Variants in ZNF717 observed in about 807,000 individuals in gnomAD.
ZNF717 encodes krueppel-like factor X17.
ZNF717 carries 9 observed loss-of-function variants against 13.8 expected under a neutral mutation model. The ratio of observed to expected loss-of-function variants is 0.65; its 90% CI spans 0.39 to 1.14. The LOEUF (loss-of-function observed/expected upper bound fraction) is 1.14. Ranked by LOEUF, ZNF717 falls within the 50% of genes most tolerant of loss-of-function variation. The pLI is 0.01. For synonymous variants in ZNF717, 327 were observed against 364.1 expected, an observed-to-expected ratio of 0.90 and a Z score of 1.16; for missense variants, 1,040 against 1,080.7, an observed-to-expected ratio of 0.96 and a Z score of 0.53.
chr3:75,751,787 G>C (rs1243969084), intron 2 of ZNF717, among the ~76,000 whole-genome samples: 7 of 151,868 alleles, frequency 4.6e-5, no homozygotes, highest in South Asian at 2.1e-4. Context: ...ATGACTGTAT[G>C]AATGTTTGTC....
intron 2 of ZNF717, among the ~76,000 whole-genome samples, chr3:75,779,904 C>A (rs1454513637): frequency 6.6e-6 from 1 of 151,786 alleles, no homozygotes; most frequent in Non-Finnish European, 1.5e-5. Context: ...AACCAGAAAC[C>A]CAAAACAACG....
chr3:75,743,454 T>C (rs1187960846), intron 2 of ZNF717, among the ~76,000 whole-genome samples: 274 of 151,592 alleles, frequency 1.8e-3, no homozygotes, highest in African/African-American at 6.0e-3. Flanking sequence ...ATTTCCTTTC[T>C]ACGGGACAAA....
chr3:75,752,934 T>A (rs952191345), intron 2 of ZNF717, among the ~76,000 whole-genome samples: 1 of 151,844 alleles, frequency 6.6e-6, no homozygotes, highest in African/African-American at 2.4e-5. Context: ...AGTTTGTCCC[T>A]CACATAGGAT....
chr3:75,768,196 G>C (rs1449466414), intron 2 of ZNF717, among the ~76,000 whole-genome samples: 1 of 152,098 alleles, frequency 6.6e-6, no homozygotes, highest in African/African-American at 2.4e-5. Flanking sequence ...CCCATCTAAA[G>C]AGAAATGCTG....
downstream of ZNF717, among the ~76,000 whole-genome samples, chr3:75,706,260 T>A (rs1937800812): frequency 6.6e-6 from 1 of 152,308 alleles, no homozygotes; most frequent in African/African-American, 2.4e-5. Flanking sequence ...ACACTAACAC[T>A]GACCCTGACC....
intron 2 of ZNF717, among the ~76,000 whole-genome samples, chr3:75,750,463 A>T (rs1941655673): frequency 6.7e-6 from 1 of 150,024 alleles, no homozygotes; most frequent in Non-Finnish European, 1.5e-5. Context: ...TGTTCCTCAC[A>T]TACAATTCCA....
At position 75,736,688 on chromosome 3, in the gene ZNF717, G is replaced by A. The variant is rs1437689932; in HGVS notation, c.*190C>T. 12 of 589,050 alleles carry A rather than the reference G, an allele frequency of 2.0e-5. No individual in the cohort carries two copies. Among genetic ancestry groups the A allele is most frequent in the Non-Finnish European group, 5.7e-6 (2 of 349,322 alleles). 36.5% of individuals were successfully genotyped at this position (589,050 alleles called of 1,614,324 possible). A position where few individuals can be genotyped will look rare whatever the true frequency, so the allele number is the denominator to read the frequency against. On this transcript the variant is annotated 3_prime_UTR_variant, in exon 5 of 5. Coordinates refer to ENST00000652011, the MANE Select transcript of ZNF717 (RefSeq NM_001290208.3). Reference sequence around the variant, plus strand: ...CTTCTAGGAAAACAGCCATATCTGTGACATTAAAGTGCAAAGTGTGCTGTA... The same window carrying A: ...CTTCTAGGAAAACAGCCATATCTGTAACATTAAAGTGCAAAGTGTGCTGTA...
chr3:75,779,902 A>T (rs2107731746), intron 2 of ZNF717, among the ~76,000 whole-genome samples: 1 of 151,816 alleles, frequency 6.6e-6, no homozygotes, highest in East Asian at 1.9e-4. Context: ...TAAACCAGAA[A>T]CCCAAAACAA....
At chr3:75,767,166 C>T (rs928503278) in intron 2 of ZNF717, among the ~76,000 whole-genome samples, 1 of 152,244 alleles carries the variant, frequency 6.6e-6, no homozygotes, top group Non-Finnish European at 1.5e-5. Flanking sequence ...CCTGAGACCC[C>T]CATGATGGAA....
At chr3:75,727,184 C>T (rs1938301253), downstream of ZNF717, among the ~76,000 whole-genome samples, 1 of 152,258 alleles carries the variant, frequency 6.6e-6, no homozygotes, top group Non-Finnish European at 1.5e-5. Context: ...ATGTATGTCG[C>T]CTCAAGACCC....
intron 2 of ZNF717, among the ~76,000 whole-genome samples, chr3:75,750,816 C>T (rs112559132): frequency 1.3e-5 from 2 of 151,170 alleles, no homozygotes; most frequent in Non-Finnish European, 1.5e-5. Flanking sequence ...CAGAACAATG[C>T]TGCTGTGTTC....
intron 2 of ZNF717, among the ~76,000 whole-genome samples, chr3:75,760,263 C>A (rs1300331482): frequency 2.8e-5 from 2 of 71,158 alleles, no homozygotes; most frequent in African/African-American, 6.7e-5. Context: ...AGGCTGGTCT[C>A]CAACTCCTGA....
chr3:75,731,383 T>C (rs1462417297), downstream of ZNF717, among the ~76,000 whole-genome samples: 1 of 151,692 alleles, frequency 6.6e-6, no homozygotes, highest in Non-Finnish European at 1.5e-5. Flanking sequence ...CTCAAAAAAT[T>C]AAAAAATAAA....
chr3:75,732,728 G>A (rs139158434), downstream of ZNF717, among the ~76,000 whole-genome samples: 1 of 141,468 alleles, frequency 7.1e-6, no homozygotes, highest in African/African-American at 2.6e-5. Flanking sequence ...TTATGCTGGT[G>A]GATGGACTAA....
rs76247709 is a variant in ZNF717, at chr3:75,713,795, C to T, written n.668-2479G>A. Among the ~76,000 whole-genome samples, 420 of 152,132 alleles carry T rather than the reference C, an allele frequency of 2.8e-3. 17 individuals carry two copies. In the East Asian group the frequency reaches 0.073, roughly 26 times the overall value. On this transcript the variant is annotated intron_variant and non_coding_transcript_variant, in intron 5 of 5. Transcript: ENST00000491507. ...ACAGCTGGGCCCAGGGGACCACTACCACCTAGACACAGAGACAAGTAGTGG... is the reference window on the plus strand; with the variant it reads ...ACAGCTGGGCCCAGGGGACCACTACTACCTAGACACAGAGACAAGTAGTGG...
chr3:75,770,417 G>A (rs543456795), intron 2 of ZNF717, among the ~76,000 whole-genome samples: 31 of 152,220 alleles, frequency 2.0e-4, no homozygotes, highest in African/African-American at 6.7e-4. Context: ...AAAATTAGCT[G>A]GGCGTGGTGG....
intron 2 of ZNF717, among the ~76,000 whole-genome samples, chr3:75,752,996 C>G (rs1380439795): frequency 6.7e-6 from 1 of 149,544 alleles, no homozygotes; most frequent in Non-Finnish European, 1.5e-5. Flanking sequence ...GATTCCAGAA[C>G]ACTTTTGCTG....
downstream of ZNF717, among the ~76,000 whole-genome samples, chr3:75,727,570 T>G (rs112953180): frequency 0.015 from 1,508 of 100,530 alleles, no homozygotes; most frequent in Middle Eastern, 0.053. Flanking sequence ...TTGAAATAAG[T>G]ACTGAAATAC....
intron 2 of ZNF717, among the ~76,000 whole-genome samples, chr3:75,757,775 T>C (rs199568387): frequency 3.3e-5 from 5 of 152,038 alleles, no homozygotes; most frequent in East Asian, 3.9e-4. Flanking sequence ...CTAGATGCCA[T>C]TGAGAACATT....
Sources: gnomAD v4.1 joint callset for allele counts (sites outside exome capture counted in the v4.1 genomes callset) on GRCh38, gnomAD v4.1.1 for gene constraint, MANE v1.5 for transcripts, NCBI Gene and HGNC (gene_info 2026-07-23, HGNC 2026-07-21) for gene names.